Variants in EHBP1 observed in about 807,000 individuals in gnomAD.
EHBP1 encodes the protein EH domain binding protein 1.
In EHBP1, 55 loss-of-function variants were observed where a neutral mutation model predicts 144.0. That is an observed-to-expected ratio of 0.38 (90% CI 0.31 to 0.48). The LOEUF (loss-of-function observed/expected upper bound fraction) is 0.48, where lower values mean the gene tolerates loss of function less well. EHBP1 is among the 20% of genes least tolerant of loss of function. The pLI is 0.98. For missense variants in EHBP1, 1,200 were observed against 1,364.2 expected, an observed-to-expected ratio of 0.88 and a Z score of 1.90; for synonymous variants, 469 against 472.7, an observed-to-expected ratio of 0.99 and a Z score of 0.10.
intron 6 of EHBP1, 63 bp from the exon 7 acceptor site, chr2:62,830,956 G>A: frequency 2.0e-6 from 3 of 1,537,124 alleles, no homozygotes; most frequent in Non-Finnish European, 1.8e-6. Context: ...GTTTTCTTAA[G>A]AAACCATCAT....
intron 1 of EHBP1, among the ~76,000 whole-genome samples, chr2:62,695,172 A>G (rs2034041899): frequency 6.6e-6 from 1 of 152,150 alleles, no homozygotes; most frequent in Non-Finnish European, 1.5e-5. Flanking sequence ...AGACCTGGCA[A>G]CATTGGCAAA....
chr2:62,739,935 GAAAAA>G (rs66665657), intron 2 of EHBP1, among the ~76,000 whole-genome samples: 1 of 97,118 alleles, frequency 1.0e-5, no homozygotes, highest in Non-Finnish European at 2.1e-5. Context: ...GCCTGTCTCA[GAAAAA>G]AAAAAAAAAA....
chr2:62,936,618 C>G (rs980320272), intron 10 of EHBP1, among the ~76,000 whole-genome samples: 4 of 151,942 alleles, frequency 2.6e-5, no homozygotes, highest in African/African-American at 9.7e-5. Context: ...CACTTACTCT[C>G]TAGTTTTCCT....
intron 14 of EHBP1, among the ~76,000 whole-genome samples, chr2:62,976,206 C>G (rs1358504068): frequency 6.6e-6 from 1 of 152,128 alleles, no homozygotes; most frequent in Non-Finnish European, 1.5e-5. Flanking sequence ...TGTCTCTCTA[C>G]TGGGTTCTTC....
At chr2:62,947,804 G>A (rs186621748) in intron 12 of EHBP1, among the ~76,000 whole-genome samples, 279 of 152,180 alleles carry the variant, frequency 1.8e-3, no homozygotes, top group Admixed American at 3.6e-3. Flanking sequence ...TCTGTTTCTA[G>A]GCTTAAATTG....
At chr2:62,737,869 T>C (rs2038305360) in intron 2 of EHBP1, among the ~76,000 whole-genome samples, 1 of 152,058 alleles carries the variant, frequency 6.6e-6, no homozygotes. Flanking sequence ...GCTTAAATGA[T>C]TCTTCCCTCT....
chr2:62,874,546 C>A lies in EHBP1; in HGVS notation c.1185+14C>A. On this transcript the variant is annotated intron_variant, in intron 10 of 22. Transcript: ENST00000431489. ...ACTTCTCCTAAGGTAGGATTTTATT[C>A]ATAGTAAAACATGTATTAATATTTG... 6.5e-7 allele frequency: 1 copy of A among 1,540,084 alleles called. No individual in the cohort carries two copies. Among genetic ancestry groups the A allele is most frequent in the Non-Finnish European group, 8.8e-7 (1 of 1,141,182 alleles).
Position 62,929,829 on chromosome 2 carries a change from CA to C in EHBP1, c.1186-12878del, listed in dbSNP as rs527295491. On this transcript the variant is annotated intron_variant, in intron 10 of 22. Coordinates refer to ENST00000431489, the MANE Select transcript of EHBP1 (RefSeq NM_001142616.3). ...TATAAAAAACACTATAAAGATTCTA[CA>C]AAAAAAAAAACTGTTGTAACTAATA... Among the ~76,000 whole-genome samples, 325 of 141,878 alleles carry C rather than the reference CA, an allele frequency of 2.3e-3. 2 individuals carry two copies. Among genetic ancestry groups the C allele is most frequent in the South Asian group, 3.8e-3 (17 of 4,492 alleles). 93.1% of individuals were successfully genotyped at this position (141,878 alleles called of 152,430 possible).
chr2:62,674,030 C>G (rs1558500715), exon 1 of EHBP1: 7 of 471,048 alleles, frequency 1.5e-5, no homozygotes, highest in Non-Finnish European at 2.2e-5. Flanking sequence ...GACTGTGCAT[C>G]TCAAGAAGCC....
At chr2:62,945,162 C>G (rs2056990872) in intron 12 of EHBP1, among the ~76,000 whole-genome samples, 1 of 152,132 alleles carries the variant, frequency 6.6e-6, no homozygotes, top group Non-Finnish European at 1.5e-5. Flanking sequence ...CTGCAAATAC[C>G]TTTTACACTT....
chr2:62,718,508 T>C (rs1421579867), intron 2 of EHBP1, among the ~76,000 whole-genome samples: 1 of 152,216 alleles, frequency 6.6e-6, no homozygotes, highest in African/African-American at 2.4e-5. Flanking sequence ...CTTCCCAAAC[T>C]GACTATCTTT....
intron 14 of EHBP1, among the ~76,000 whole-genome samples, chr2:62,961,161 A>G (rs1331832188): frequency 5.3e-5 from 8 of 152,220 alleles, no homozygotes; most frequent in African/African-American, 1.7e-4. Flanking sequence ...TATCCTCAGG[A>G]AAGATATAAG....
Position 62,901,332 on chromosome 2 carries a change from T to A in EHBP1, c.1185+26800T>A, listed in dbSNP as rs998582749. On this transcript the variant is annotated intron_variant, in intron 10 of 22. Transcript: ENST00000431489. Reference sequence around the variant, plus strand: ...GATGCATATGAATAGCAACAAATTATAGATTTGAGCTATATTTAGCATAGA... The same window carrying A: ...GATGCATATGAATAGCAACAAATTAAAGATTTGAGCTATATTTAGCATAGA... Among the ~76,000 whole-genome samples the A allele has an allele frequency of 7.2e-5, 11 of 152,296 alleles. No homozygotes were observed. The South Asian group carries it at 2.3e-3, about 32-fold the overall frequency.
In EHBP1 at chr2:63,029,510, G is replaced by A. The variant is rs147268541; in HGVS notation, c.3104-8025G>A. Among the ~76,000 whole-genome samples the A allele has an allele frequency of 4.6e-5, 7 of 150,652 alleles. No individual in the cohort carries two copies. The East Asian group carries it at 1.4e-3, about 29-fold the overall frequency. On this transcript the variant is annotated intron_variant, in intron 19 of 22. Transcript: ENST00000431489. ...TTGTATCTCCAGTTCCTGCCTCAGG[G>A]CTATATACACCATCATCACCCCCTT...
rs535730207 is a variant in EHBP1 at position 62,764,728 on chromosome 2, A to G, written c.258+367A>G. ...GATAAAAGAATGCTTTAAAATTAGT[A>G]TATTATAAATATCTTATTAATGTTA... On this transcript the variant is annotated intron_variant, in intron 4 of 22. Coordinates refer to ENST00000431489, the MANE Select transcript of EHBP1 (RefSeq NM_001142616.3). 1.2e-3 allele frequency among the ~76,000 whole-genome samples: 187 copies of G among 152,234 alleles called. 3 individuals are homozygous for G. Among genetic ancestry groups the G allele is most frequent in the Admixed American group, 6.2e-3 (94 of 15,272 alleles).
chr2:62,746,457 A>G (rs1249162839), intron 2 of EHBP1, among the ~76,000 whole-genome samples: 1 of 152,090 alleles, frequency 6.6e-6, no homozygotes, highest in Non-Finnish European at 1.5e-5. Flanking sequence ...ACGGGATTCC[A>G]GTGTAAAATG....
At chr2:62,863,184 G>A (rs989081712) in intron 8 of EHBP1, among the ~76,000 whole-genome samples, 2 of 152,166 alleles carry the variant, frequency 1.3e-5, no homozygotes, top group South Asian at 2.1e-4. Context: ...TCAGGAGGCT[G>A]AGGTGGGAGA....
intron 14 of EHBP1, among the ~76,000 whole-genome samples, chr2:62,964,273 G>A (rs1476016550): frequency 6.6e-6 from 1 of 152,068 alleles, no homozygotes; most frequent in African/African-American, 2.4e-5. Flanking sequence ...TGCCATGAAT[G>A]CATGAAGCTA....
chr2:62,872,202 T>A (rs1274725017), intron 9 of EHBP1: 1 of 152,150 alleles, frequency 6.6e-6, no homozygotes, highest in Non-Finnish European at 1.5e-5. Flanking sequence ...TTCATTTTTC[T>A]TGATGAATTA....
Sources: allele counts gnomAD v4.1 joint callset (sites outside exome capture counted in the v4.1 genomes callset), GRCh38; gene constraint gnomAD v4.1.1; transcripts MANE v1.5; gene names NCBI Gene and HGNC (gene_info 2026-07-23, HGNC 2026-07-21).